ANXA4: variants seen among roughly 807,000 people sequenced by gnomAD.
ANXA4 encodes the protein 35-beta calcimedin.
ANXA4 carries 39 observed loss-of-function variants against 49.8 expected under a neutral mutation model. That is an observed-to-expected ratio of 0.78 (90% CI 0.61 to 1.02). The LOEUF (loss-of-function observed/expected upper bound fraction) is 1.02. Among genes scored for constraint, ANXA4 ranks in the 50% least tolerant of loss-of-function variants. ANXA4 has a pLI of 0.00. For synonymous variants in ANXA4, 134 were observed against 152.5 expected (o/e 0.88, Z 0.89); for missense variants, 360 against 410.1 (o/e 0.88, Z 1.05).
intron 1 of ANXA4, among the ~76,000 whole-genome samples, chr2:69,773,407 T>C (rs934783361): frequency 1.3e-5 from 2 of 152,152 alleles, no homozygotes; most frequent in African/African-American, 4.8e-5. Context: ...AAAAGCAGTA[T>C]CTGCCAGGGT....
In ANXA4 at chr2:69,757,570, G is replaced by A. The variant is rs150554899; in HGVS notation, c.-47+15395G>A. On this transcript the variant is annotated intron_variant, in intron 1 of 12. Coordinates refer to ENST00000394295, the MANE Select transcript of ANXA4 (RefSeq NM_001153.5). ...TTACAGGTGTGAGCCACCATGCCCAGCCTTTTCTGTTATATTTTAAAAGAT... is the reference window on the plus strand; with the variant it reads ...TTACAGGTGTGAGCCACCATGCCCAACCTTTTCTGTTATATTTTAAAAGAT... Among the ~76,000 whole-genome samples the A allele has an allele frequency of 3.4e-3, 521 of 151,138 alleles. 3 individuals carry two copies. Among genetic ancestry groups the A allele is most frequent in the African/African-American group, 0.012 (490 of 41,230 alleles).
At chr2:69,787,854 T>C (rs11677629) in intron 2 of ANXA4, among the ~76,000 whole-genome samples, 200 bp from the exon 3 acceptor site, 37,292 of 152,192 alleles carry the variant, frequency 0.25, 5,255 homozygotes, top group African/African-American at 0.38. Flanking sequence ...AATTGTTGGC[T>C]TGTTTACTGT....
chr2:69,709,264 A>G (rs1199292270), intron 2 of ANXA4, among the ~76,000 whole-genome samples: 3 of 152,264 alleles, frequency 2.0e-5, no homozygotes, highest in Non-Finnish European at 4.4e-5. Flanking sequence ...AATTATTTAC[A>G]GGATAAGACT....
At chr2:69,701,091 T>G (rs1459964903) in intron 2 of ANXA4, among the ~76,000 whole-genome samples, 1 of 152,110 alleles carries the variant, frequency 6.6e-6, no homozygotes, top group Non-Finnish European at 1.5e-5. Context: ...GCCAGGCTGG[T>G]CTCGAACTCC....
At chr2:69,759,747 C>CA (rs1559154276) in intron 1 of ANXA4, among the ~76,000 whole-genome samples, 1 of 152,020 alleles carries the variant, frequency 6.6e-6, no homozygotes, top group East Asian at 1.9e-4. Flanking sequence ...AAAACAAAAC[C>CA]AAAAAATAAT....
At chr2:69,808,103 A>G in intron 6 of ANXA4, 107 bp downstream of exon 6, 3 of 1,044,706 alleles carry the variant, frequency 2.9e-6, no homozygotes, top group Non-Finnish European at 4.3e-6. Context: ...AACGCTGAGC[A>G]TGAGGGATCC....
At chr2:69,721,694 C>A (rs1303074176) in intron 3 of ANXA4, among the ~76,000 whole-genome samples, 20 of 149,986 alleles carry the variant, frequency 1.3e-4, no homozygotes, top group African/African-American at 4.9e-4. Flanking sequence ...GTGAGACCGT[C>A]TCAAAAAAAA....
At chr2:69,689,979 CAGT>C (rs1340093089) in intron 2 of ANXA4, among the ~76,000 whole-genome samples, 2 of 152,018 alleles carry the variant, frequency 1.3e-5, no homozygotes, top group Non-Finnish European at 2.9e-5. Context: ...TTTAGATAAA[CAGT>C]AGCATACTAT....
At chr2:69,823,932 G>A (rs1289104062) in intron 12 of ANXA4, among the ~76,000 whole-genome samples, 1 of 152,040 alleles carries the variant, frequency 6.6e-6, no homozygotes, top group Non-Finnish European at 1.5e-5. Context: ...AATTAATCTA[G>A]GCCAGGTGCA....
intron 3 of ANXA4, among the ~76,000 whole-genome samples, chr2:69,724,490 G>C (rs1669906665): frequency 6.6e-6 from 1 of 152,198 alleles, no homozygotes; most frequent in South Asian, 2.1e-4. Context: ...GCAGCCTTGT[G>C]TCCCCAGCTG....
chr2:69,813,137 G>A (rs1183865420), intron 8 of ANXA4, among the ~76,000 whole-genome samples: 1 of 152,194 alleles, frequency 6.6e-6, no homozygotes, highest in African/African-American at 2.4e-5. Context: ...TCCCAGCCCA[G>A]TGATGGTTGT....
intron 3 of ANXA4, among the ~76,000 whole-genome samples, chr2:69,724,962 G>GT (rs1280490861): frequency 1.3e-5 from 2 of 152,180 alleles, no homozygotes; most frequent in African/African-American, 4.8e-5. Flanking sequence ...GAAAATACCT[G>GT]CTCATCCTGT....
intron 2 of ANXA4, among the ~76,000 whole-genome samples, chr2:69,720,346 G>T (rs1669784100): frequency 6.6e-6 from 1 of 152,154 alleles, no homozygotes; most frequent in Admixed American, 6.5e-5. Context: ...TTTCACGCAG[G>T]CTTTGCCAAC....
At chr2:69,800,992 G>C (rs1219802838) in intron 3 of ANXA4, among the ~76,000 whole-genome samples, 2 of 152,070 alleles carry the variant, frequency 1.3e-5, no homozygotes, top group East Asian at 3.9e-4. Flanking sequence ...CAGGCACTGG[G>C]GGTTGGGGGG....
intron 2 of ANXA4, among the ~76,000 whole-genome samples, chr2:69,662,820 A>G (rs1473473279): frequency 2.6e-5 from 4 of 152,062 alleles, no homozygotes; most frequent in African/African-American, 4.8e-5. Context: ...GATAAAATAC[A>G]GGACACTTAG....
chr2:69,812,757 A>T, intron 8 of ANXA4, 48 bp downstream of exon 8: 4 of 1,555,942 alleles, frequency 2.6e-6, no homozygotes, highest in Non-Finnish European at 2.7e-6. Flanking sequence ...CTCTTTCGCC[A>T]ATGAGACAGG....
rs144110512 is a variant in ANXA4 at position 69,788,055 on chromosome 2, C to T, written c.11C>T (p.Ala4Val). ...AACATCACTCTCTTGTGTGCTCAGGCAACCAAAGGAGGTACTGTCAAAGCT... is the reference window on the plus strand; with the variant it reads ...AACATCACTCTCTTGTGTGCTCAGGTAACCAAAGGAGGTACTGTCAAAGCT... MAM[A>V]TKGGTVKAAS... The change falls in exon 3 of 13, where the codon GCA (alanine) becomes GTA (valine). Residue 4 changes from alanine (A) to valine (V), a missense_variant and splice_region_variant. Ala to Val is a moderately conservative substitution (Grantham distance 64). Coordinates refer to ENST00000394295, the MANE Select transcript of ANXA4 (RefSeq NM_001153.5). The T allele has an allele frequency of 8.4e-5, 135 of 1,613,488 alleles. No individual in the cohort carries two copies. The highest frequency in any genetic ancestry group is 1.1e-4 in the Non-Finnish European group (128 of 1,179,638).
chr2:69,753,164 C>G (rs13020111), intron 1 of ANXA4, among the ~76,000 whole-genome samples: 3,426 of 152,296 alleles, frequency 0.022, 53 homozygotes, highest in Non-Finnish European at 0.037. Flanking sequence ...AGAGCAAGAT[C>G]ATGTCTCCTC....
chr2:69,675,840 G>A (rs770698432), intron 2 of ANXA4, among the ~76,000 whole-genome samples: 9 of 152,000 alleles, frequency 5.9e-5, no homozygotes, highest in African/African-American at 1.2e-4. Context: ...TGGCTAACAC[G>A]GTGAAACCCT....
Sources: gnomAD v4.1 joint callset for allele counts (sites outside exome capture counted in the v4.1 genomes callset) on GRCh38, gnomAD v4.1.1 for gene constraint, MANE v1.5 for transcripts, NCBI Gene and HGNC (gene_info 2026-07-23, HGNC 2026-07-21) for gene names.